Variants in ANKS1B observed in about 807,000 individuals in gnomAD.
The protein encoded by ANKS1B is ankyrin repeat and sterile alpha motif domain-containing protein 1B.
ANKS1B carries 36 observed loss-of-function variants against 148.3 expected under a neutral mutation model. The ratio of observed to expected loss-of-function variants is 0.24; its 90% CI spans 0.19 to 0.32. The LOEUF (loss-of-function observed/expected upper bound fraction) is 0.32, where lower values mean the gene tolerates loss of function less well. Among genes scored for constraint, ANKS1B ranks in the 10% least tolerant of loss-of-function variants. The pLI, the probability that ANKS1B is intolerant of heterozygous loss-of-function variation, is 1.00. For synonymous variants in ANKS1B, 542 were observed against 560.8 expected (o/e 0.97, Z 0.47); for missense variants, 1,157 against 1,542.6 (o/e 0.75, Z 4.19).
intron 17 of ANKS1B, among the ~76,000 whole-genome samples, chr12:98,940,483 T>C (rs984118755): frequency 6.6e-6 from 1 of 152,214 alleles, no homozygotes; most frequent in African/African-American, 2.4e-5. Context: ...AAACTGTTAC[T>C]TCAGAACCCT....
intron 12 of ANKS1B, among the ~76,000 whole-genome samples, chr12:99,355,539 A>G (rs1318911232): frequency 6.6e-6 from 1 of 152,154 alleles, no homozygotes; most frequent in Non-Finnish European, 1.5e-5. Flanking sequence ...TGCCCTGCAA[A>G]AAGAAGCTCA....
intron 10 of ANKS1B, among the ~76,000 whole-genome samples, chr12:99,447,949 T>C (rs996435163): frequency 3.8e-4 from 57 of 151,956 alleles, no homozygotes; most frequent in Admixed American, 3.3e-3. Flanking sequence ...AGACAGGCAA[T>C]AACAGATGCT....
intron 17 of ANKS1B, among the ~76,000 whole-genome samples, chr12:98,956,778 C>T (rs995487733): frequency 2.0e-5 from 3 of 152,150 alleles, no homozygotes; most frequent in Admixed American, 6.5e-5. Context: ...TACAATGCTG[C>T]ATTGTACGCA....
intron 12 of ANKS1B, among the ~76,000 whole-genome samples, chr12:99,305,797 A>G (rs1035770580): frequency 2.0e-5 from 3 of 152,168 alleles, no homozygotes; most frequent in Non-Finnish European, 4.4e-5. Context: ...TCTATACTTC[A>G]TTAAAGGCTT....
At chr12:99,205,198 C>T (rs2082511211) in intron 14 of ANKS1B, among the ~76,000 whole-genome samples, 1 of 152,146 alleles carries the variant, frequency 6.6e-6, no homozygotes, top group Non-Finnish European at 1.5e-5. Context: ...CTAAACAAGC[C>T]AGTTTTAGCT....
intron 8 of ANKS1B, among the ~76,000 whole-genome samples, chr12:99,702,525 T>C (rs567033500): frequency 6.6e-6 from 1 of 152,044 alleles, no homozygotes; most frequent in Non-Finnish European, 1.5e-5. Context: ...TACTTTCCTA[T>C]GCAGAAGGTT....
chr12:99,891,107 TG>T (rs2153747860), intron 1 of ANKS1B, among the ~76,000 whole-genome samples: 1 of 152,338 alleles, frequency 6.6e-6, no homozygotes, highest in East Asian at 1.9e-4. Flanking sequence ...TTTTGTAGCG[TG>T]CATCAATAGA....
chr12:99,273,685 C>T (rs1186548472), intron 12 of ANKS1B, among the ~76,000 whole-genome samples: 1 of 143,438 alleles, frequency 7.0e-6, no homozygotes, highest in Non-Finnish European at 1.5e-5. Flanking sequence ...TTAAGCAATT[C>T]TCTGCCTGAG....
At chr12:99,232,654 A>G (rs147679997) in intron 14 of ANKS1B, among the ~76,000 whole-genome samples, 14 of 152,354 alleles carry the variant, frequency 9.2e-5, no homozygotes, top group African/African-American at 2.9e-4. Flanking sequence ...TAAATTTCCT[A>G]ACTTGAAAGC....
intron 15 of ANKS1B, among the ~76,000 whole-genome samples, chr12:99,142,271 G>T (rs551224901): frequency 6.6e-6 from 1 of 152,136 alleles, no homozygotes; most frequent in South Asian, 2.1e-4. Context: ...CGGGTAAACA[G>T]GGACTAGTAA....
chr12:98,787,972 C>T (rs553800079), intron 22 of ANKS1B, among the ~76,000 whole-genome samples: 1 of 152,020 alleles, frequency 6.6e-6, no homozygotes, highest in African/African-American at 2.4e-5. Flanking sequence ...CAGTGCCAGC[C>T]TCTCAACACG....
intron 9 of ANKS1B, among the ~76,000 whole-genome samples, chr12:99,559,273 T>C (rs546173269): frequency 5.3e-5 from 8 of 152,318 alleles, no homozygotes; most frequent in African/African-American, 1.4e-4. Context: ...CAGATCTTCA[T>C]TGAGACTTCT....
chr12:99,843,796 G>A (rs1320294301), intron 1 of ANKS1B, among the ~76,000 whole-genome samples: 2 of 152,030 alleles, frequency 1.3e-5, no homozygotes, highest in African/African-American at 4.8e-5. Flanking sequence ...TGGGTTGAAT[G>A]GTATTTCTGT....
intron 14 of ANKS1B, among the ~76,000 whole-genome samples, chr12:99,177,159 A>G (rs1328900313): frequency 6.6e-6 from 1 of 152,220 alleles, no homozygotes; most frequent in Non-Finnish European, 1.5e-5. Flanking sequence ...AGTCTTGGCA[A>G]CAGCATATAC....
chr12:98,880,217 G>A (rs2099703451), intron 17 of ANKS1B, among the ~76,000 whole-genome samples: 1 of 152,066 alleles, frequency 6.6e-6, no homozygotes, highest in South Asian at 2.1e-4. Context: ...TCATATTTAG[G>A]ATTACCAAGT....
chr12:98,880,478 G>A (rs1238645303), intron 17 of ANKS1B, among the ~76,000 whole-genome samples: 2 of 152,150 alleles, frequency 1.3e-5, no homozygotes, highest in East Asian at 3.9e-4. Context: ...AAGATGGGTA[G>A]GTTTCTGGCC....
At chr12:98,822,234 C>T (rs2099201797) in intron 19 of ANKS1B, among the ~76,000 whole-genome samples, 1 of 152,130 alleles carries the variant, frequency 6.6e-6, no homozygotes, top group African/African-American at 2.4e-5. Context: ...CAGGGCCACA[C>T]AAACAGCCCT....
intron 18 of ANKS1B, among the ~76,000 whole-genome samples, chr12:98,830,542 TG>T (rs2099297033): frequency 6.6e-6 from 1 of 152,354 alleles, no homozygotes; most frequent in Admixed American, 6.5e-5. Context: ...GCTCCTTTCC[TG>T]TCCTGCCCTC....
At chr12:99,627,542 A>G (rs1238228701) in intron 9 of ANKS1B, among the ~76,000 whole-genome samples, 1 of 152,196 alleles carries the variant, frequency 6.6e-6, no homozygotes, top group African/African-American at 2.4e-5. Flanking sequence ...CCAGACTGCC[A>G]AACAACTCAC....
Sources: gnomAD v4.1 joint callset for allele counts (sites outside exome capture counted in the v4.1 genomes callset) on GRCh38, gnomAD v4.1.1 for gene constraint, MANE v1.5 for transcripts, NCBI Gene and HGNC (gene_info 2026-07-23, HGNC 2026-07-21) for gene names.